The following AKAP9 variants were observed in gnomAD, a reference collection of about 807,000 sequenced individuals.
AKAP9 encodes the protein A-kinase anchoring protein 9, also known as A-kinase anchor protein 9.
In AKAP9, 311 loss-of-function variants were observed where a neutral mutation model predicts 488.5. That is an observed-to-expected ratio of 0.64 (90% CI 0.58 to 0.70). The LOEUF is 0.70. Among genes scored for constraint, AKAP9 ranks in the 30% least tolerant of loss-of-function variants. The pLI is 0.00. For synonymous variants in AKAP9, 1,462 were observed against 1,483.5 expected (o/e 0.99, Z 0.33); for missense variants, 4,215 against 4,374.5 (o/e 0.96, Z 1.03).
At chr7:92,020,909 C>A (rs1426668841) in intron 12 of AKAP9, among the ~76,000 whole-genome samples, 1 of 152,128 alleles carries the variant, frequency 6.6e-6, no homozygotes, top group African/African-American at 2.4e-5. Flanking sequence ...GCTGTTTTTT[C>A]TTTTGCTCAG....
chr7:92,074,082 C>T (rs1482288110), intron 28 of AKAP9, among the ~76,000 whole-genome samples: 1 of 152,112 alleles, frequency 6.6e-6, no homozygotes, highest in Admixed American at 6.6e-5. Context: ...AATGAGCAGG[C>T]AACCTACAGA....
At chr7:92,062,182 C>T in intron 23 of AKAP9, 92 bp from the exon 24 acceptor site, 1 of 1,163,038 alleles carries the variant, frequency 8.6e-7, no homozygotes. Flanking sequence ...GAAAGTTTTG[C>T]TAACAGTATA....
intron 16 of AKAP9, among the ~76,000 whole-genome samples, chr7:92,035,050 C>A (rs1364670296): frequency 6.6e-6 from 1 of 152,070 alleles, no homozygotes; most frequent in Non-Finnish European, 1.5e-5. Flanking sequence ...AATTTCTTTT[C>A]TAATGTATGC....
In AKAP9 at chr7:91,992,971, G is replaced by A. The variant is rs148852801; in HGVS notation, c.492G>A (p.Leu164=). 95 of 1,614,082 alleles carry A rather than the reference G, an allele frequency of 5.9e-5. No individual in the cohort carries two copies. The East Asian group carries it at 6.0e-4, about 10-fold the overall frequency. Residue 164 remains leucine (L), a synonymous_variant, in exon 5 of 50, where the codon TTG becomes TTA. Coordinates refer to ENST00000356239, the MANE Select transcript of AKAP9 (RefSeq NM_005751.5). ...PTHLEMMESE[L]AGKQHEIEEL... ...ATCTAGAGATGATGGAAAGTGAGTTGGCTGGGAAGCAGCATGAGATTGAAG... is the reference window on the plus strand; with the variant it reads ...ATCTAGAGATGATGGAAAGTGAGTTAGCTGGGAAGCAGCATGAGATTGAAG...
At chr7:92,031,736 A>G (rs1018981430) in intron 16 of AKAP9, 132 bp downstream of exon 16, 2 of 699,254 alleles carry the variant, frequency 2.9e-6, no homozygotes, top group South Asian at 1.9e-5. Context: ...TGATTGGATA[A>G]TATCAATTAT....
At chr7:92,108,268 G>A (rs1226391241) in intron 48 of AKAP9, among the ~76,000 whole-genome samples, 4 of 152,108 alleles carry the variant, frequency 2.6e-5, no homozygotes, top group African/African-American at 7.2e-5. Flanking sequence ...TGAGACCTCT[G>A]CCACAAGCAT....
intron 7 of AKAP9, chr7:91,996,009 T>A: frequency 2.0e-6 from 1 of 502,786 alleles, no homozygotes; most frequent in Middle Eastern, 5.1e-4. Flanking sequence ...GTGATCAGCC[T>A]ATGTTAAACT....
At chr7:92,106,707 C>CA (rs2130923645) in intron 47 of AKAP9, among the ~76,000 whole-genome samples, 1 of 152,322 alleles carries the variant, frequency 6.6e-6, no homozygotes, top group South Asian at 2.1e-4. Flanking sequence ...GGGGAGCACA[C>CA]AGAGGACACA....
intron 25 of AKAP9, 122 bp from the exon 26 acceptor site, chr7:92,066,305 C>G: frequency 8.0e-7 from 1 of 1,250,778 alleles, no homozygotes; most frequent in Admixed American, 2.0e-5. Context: ...TTGGGATGTT[C>G]CATGATCATC....
chr7:92,040,997 A>T, intron 18 of AKAP9, 99 bp downstream of exon 18: 5 of 1,036,872 alleles, frequency 4.8e-6, no homozygotes, highest in South Asian at 3.1e-5. Context: ...TTTTTTATGT[A>T]GCCATAATTT....
rs1715338040 is a variant in AKAP9, at chr7:92,001,919, G to A, written c.2002G>A (p.Asp668Asn). ...AGGCATTCACTATAAACAGCAGATA[G>A]ATGGTTTACAGAATGAAATGAGTCA... ...NLGIHYKQQI[D>N]GLQNEMSQKI... Residue 668 changes from aspartate (D) to asparagine (N), a missense_variant, in exon 8 of 50, where the codon GAT becomes AAT. Around this residue, in one of 5 missense-constraint regions of AKAP9, gnomAD observed 2,361 missense variants for 2,430.0 expected, o/e 0.97. Transcript: ENST00000356239. The A allele has an allele frequency of 6.2e-7, 1 of 1,612,314 alleles. No individual in the cohort carries two copies. Among genetic ancestry groups the A allele is most frequent in the Admixed American group, 1.7e-5 (1 of 59,930 alleles).
intron 43 of AKAP9, 55 bp from the exon 44 acceptor site, chr7:92,099,632 G>T: frequency 6.5e-7 from 1 of 1,540,302 alleles, no homozygotes; most frequent in Non-Finnish European, 9.0e-7. Flanking sequence ...CACTTTATAT[G>T]CATTATTCAC....
At chr7:92,027,656 C>T (rs1563008362) in intron 14 of AKAP9, among the ~76,000 whole-genome samples, 1 of 148,804 alleles carries the variant, frequency 6.7e-6, no homozygotes, top group Non-Finnish European at 1.5e-5. Flanking sequence ...CTCTGCCTGG[C>T]CGCCCCGTCT....
chr7:92,043,415 A>G, intron 20 of AKAP9: 1 of 782,974 alleles, frequency 1.3e-6, no homozygotes, highest in Non-Finnish European at 1.5e-6. Context: ...TATAAAATAA[A>G]CACTTTGTTT....
Position 92,038,345 on chromosome 7 carries a change from G to T in AKAP9, c.4339-74G>T, listed in dbSNP as rs539445334. The T allele has an allele frequency of 4.2e-6, 5 of 1,186,380 alleles. No individual in the cohort carries two copies. The East Asian group carries it at 1.2e-4, about 29-fold the overall frequency. The allele number at this position is 1,186,380 out of a possible 1,614,324, so 73.5% of individuals were successfully genotyped here. ...CTTTTTTCTGTTTATACAATTTTGA[G>T]TACTAATTTACTTTTTAAATTCCTG... On this transcript the variant is annotated intron_variant, in intron 16 of 49. Coordinates refer to ENST00000356239, the MANE Select transcript of AKAP9 (RefSeq NM_005751.5).
chr7:91,988,954 C>T (rs778742267), intron 3 of AKAP9, among the ~76,000 whole-genome samples: 16 of 152,006 alleles, frequency 1.1e-4, no homozygotes, highest in Non-Finnish European at 1.3e-4. Context: ...AAATGGGGGA[C>T]GATGATATCT....
chr7:92,061,506 G>A lies in AKAP9; in HGVS notation c.5764+84G>A, dbSNP rs1180787830. 3.4e-6 allele frequency: 5 copies of A among 1,476,612 alleles called. No homozygotes were observed. In the East Asian group the frequency reaches 1.2e-4, roughly 36 times the overall value. 91.5% of individuals were successfully genotyped at this position (1,476,612 alleles called of 1,614,324 possible). Reference sequence around the variant, plus strand: ...TTTTGATGCACAGCCAGGTTTGGAAGCCGTCAATCCAATTTAGAATGACCA... The same window carrying A: ...TTTTGATGCACAGCCAGGTTTGGAAACCGTCAATCCAATTTAGAATGACCA... On this transcript the variant is annotated intron_variant, in intron 23 of 49. Transcript: ENST00000356239.
In AKAP9 at chr7:92,096,744, T is replaced by C. The variant is rs748320970; in HGVS notation, c.9785T>C (p.Leu3262Pro). The change falls in exon 41 of 50, where the codon CTT (leucine) becomes CCT (proline). Residue 3262 changes from leucine (L) to proline (P), a missense_variant. Physicochemically the swap from Leu to Pro is moderately conservative, Grantham distance 98 (BLOSUM62 -3). Transcript: ENST00000356239. ...CAAAGGAATCTTCAGCTAAATCTAC[T>C]TTTGGAACAACAGAAACAACTACTG... ...QKQRNLQLNL[L>P]LEQQKQLLNE... 6.2e-7 allele frequency: 1 copy of C among 1,614,214 alleles called. No homozygotes were observed. Among genetic ancestry groups the C allele is most frequent in the Non-Finnish European group, 8.5e-7 (1 of 1,180,034 alleles).
intron 7 of AKAP9, among the ~76,000 whole-genome samples, chr7:92,000,393 A>G (rs1053952206): frequency 1.3e-5 from 2 of 152,198 alleles, no homozygotes; most frequent in African/African-American, 2.4e-5. Flanking sequence ...GCCCTTGCCC[A>G]TGACACACAT....
Sources: allele counts gnomAD v4.1 joint callset (sites outside exome capture counted in the v4.1 genomes callset), GRCh38; gene constraint gnomAD v4.1.1; regional missense constraint gnomAD v4.1.1; transcripts MANE v1.5; gene names NCBI Gene and HGNC (gene_info 2026-07-23, HGNC 2026-07-21).